CNBD1: variants seen among roughly 807,000 people sequenced by gnomAD.
The protein encoded by CNBD1 is cyclic nucleotide-binding domain-containing protein 1.
Under a neutral mutation model 54.4 loss-of-function variants are expected in CNBD1, and 71 were observed. The observed-to-expected ratio is 1.30, with a 90% CI of 1.08 to 1.59. CNBD1 has a LOEUF of 1.59. Among genes scored for constraint, CNBD1 ranks in the 40% most tolerant of loss-of-function variants. The pLI is 0.00. For synonymous variants in CNBD1, 182 were observed against 170.7 expected, an observed-to-expected ratio of 1.07 and a Z score of -0.51; for missense variants, 659 against 518.0, an observed-to-expected ratio of 1.27 and a Z score of -2.64.
At chr8:86,934,143 C>T (rs760026012) in intron 3 of CNBD1, among the ~76,000 whole-genome samples, 22 of 152,006 alleles carry the variant, frequency 1.4e-4, no homozygotes, top group Non-Finnish European at 2.9e-4. Context: ...TCCTTCTGTC[C>T]CTGACATATA....
chr8:87,362,962 G>T (rs1006541089), intron 10 of CNBD1, among the ~76,000 whole-genome samples: 2 of 151,746 alleles, frequency 1.3e-5, no homozygotes, highest in East Asian at 3.9e-4. Flanking sequence ...CCATCAACCC[G>T]TCATCTATAT....
intron 2 of CNBD1, among the ~76,000 whole-genome samples, chr8:87,417,396 A>G (rs1194252822): frequency 6.6e-6 from 1 of 151,982 alleles, no homozygotes. Flanking sequence ...ACACAGCAAA[A>G]CCATATTACC....
At chr8:87,160,054 C>T in intron 4 of CNBD1, among the ~76,000 whole-genome samples, 1 of 151,698 alleles carries the variant, frequency 6.6e-6, no homozygotes, top group South Asian at 2.1e-4. Flanking sequence ...GATATATATA[C>T]ACAGATGTGT....
chr8:86,961,603 C>G (rs1032547049), intron 4 of CNBD1, among the ~76,000 whole-genome samples: 26 of 152,328 alleles, frequency 1.7e-4, no homozygotes, highest in African/African-American at 6.0e-4. Context: ...CAGAGGATCC[C>G]CTGGGATGTC....
At chr8:86,905,872 T>C (rs1035263178) in intron 3 of CNBD1, among the ~76,000 whole-genome samples, 2 of 152,156 alleles carry the variant, frequency 1.3e-5, no homozygotes, top group African/African-American at 4.8e-5. Flanking sequence ...CTGGATATAG[T>C]TGTCTTTGTT....
At chr8:87,047,250 ATG>A (rs1431293589) in intron 4 of CNBD1, among the ~76,000 whole-genome samples, 1 of 152,020 alleles carries the variant, frequency 6.6e-6, no homozygotes, top group African/African-American at 2.4e-5. Context: ...TCCCCAGGGG[ATG>A]TGTGTTCCTG....
intron 3 of CNBD1, among the ~76,000 whole-genome samples, chr8:86,906,728 C>G (rs1809024161): frequency 6.6e-6 from 1 of 152,122 alleles, no homozygotes; most frequent in South Asian, 2.1e-4. Flanking sequence ...ATTAATCTAC[C>G]AGCAGTGGTC....
chr8:87,264,508 A>AGCAGCCATTTGTTCATCCAGAGATAT (rs1808208580), intron 6 of CNBD1, among the ~76,000 whole-genome samples: 2 of 152,146 alleles, frequency 1.3e-5, no homozygotes, highest in African/African-American at 4.8e-5. Flanking sequence ...CTTTGGGTAT[A>AGCAGCCATTTGTTCATCCAGAGATAT]TACCCAGTAA....
At chr8:87,004,488 C>T (rs887513742) in intron 4 of CNBD1, among the ~76,000 whole-genome samples, 73 of 138,806 alleles carry the variant, frequency 5.3e-4, no homozygotes, top group African/African-American at 1.6e-3. Context: ...CATTATTGCA[C>T]TCACACCCTT....
chr8:87,351,908 A>G, intron 9 of CNBD1, 114 bp downstream of exon 9: 1 of 1,138,978 alleles, frequency 8.8e-7, no homozygotes, highest in Non-Finnish European at 1.1e-6. Context: ...TGAAATTTCT[A>G]TTCAATTTTT....
chr8:87,351,081 A>G (rs1335577628), intron 8 of CNBD1, among the ~76,000 whole-genome samples: 2 of 152,194 alleles, frequency 1.3e-5, no homozygotes, highest in African/African-American at 2.4e-5. Flanking sequence ...GGCTTAAAGT[A>G]AGGACTCCTA....
intron 6 of CNBD1, among the ~76,000 whole-genome samples, chr8:87,253,868 G>T (rs1450908927): frequency 6.6e-6 from 1 of 152,088 alleles, no homozygotes; most frequent in Non-Finnish European, 1.5e-5. Flanking sequence ...AAGAATATAA[G>T]AATTGGACGG....
intron 5 of CNBD1, among the ~76,000 whole-genome samples, chr8:87,218,285 C>T (rs923730391): frequency 2.2e-4 from 33 of 151,958 alleles, no homozygotes; most frequent in Non-Finnish European, 4.7e-4. Context: ...GAGGTAATTT[C>T]CAACAATGTA....
intron 4 of CNBD1, among the ~76,000 whole-genome samples, chr8:87,180,751 G>A (rs1813295137): frequency 1.3e-5 from 2 of 152,180 alleles, no homozygotes; most frequent in African/African-American, 4.8e-5. Context: ...GAATGGGAAT[G>A]AGGGAGGAGT....
chr8:87,297,665 T>C (rs866983960), intron 8 of CNBD1, among the ~76,000 whole-genome samples: 1 of 152,008 alleles, frequency 6.6e-6, no homozygotes, highest in South Asian at 2.1e-4. Flanking sequence ...AATTTGTCTG[T>C]AATCACACAT....
chr8:87,112,896 A>T (rs529978911), intron 4 of CNBD1, among the ~76,000 whole-genome samples: 58 of 152,248 alleles, frequency 3.8e-4, no homozygotes, highest in Non-Finnish European at 6.6e-4. Context: ...GGCTTGATGA[A>T]GGGATTCCTT....
intron 2 of CNBD1, among the ~76,000 whole-genome samples, chr8:87,420,940 A>G (rs550580632): frequency 1.3e-5 from 2 of 152,228 alleles, no homozygotes; most frequent in East Asian, 3.9e-4. Context: ...TTCAATAAAT[A>G]TTGAATTAAA....
Position 87,427,141 on chromosome 8 carries a change from T to C in CNBD1, c.214-1405T>C, listed in dbSNP as rs565423897. On this transcript the variant is annotated intron_variant, in intron 2 of 7. Coordinates refer to the CNBD1 transcript ENST00000521593. ...CCTGTAAAGAGCTAGCATCCTTCAT[T>C]CCTGATATATGTGCTTTCAGACTCA... Among the ~76,000 whole-genome samples, 10 of 151,978 alleles carry C rather than the reference T, an allele frequency of 6.6e-5. No individual in the cohort carries two copies. In the East Asian group the frequency reaches 1.8e-3, roughly 27 times the overall value.
At chr8:87,275,367 G>A (rs1218454865) in intron 6 of CNBD1, among the ~76,000 whole-genome samples, 2 of 151,684 alleles carry the variant, frequency 1.3e-5, no homozygotes, top group Non-Finnish European at 2.9e-5. Flanking sequence ...ACCTTGGGCA[G>A]TATGGCCATT....
Sources: gnomAD v4.1 joint callset for allele counts (sites outside exome capture counted in the v4.1 genomes callset) on GRCh38, gnomAD v4.1.1 for gene constraint, MANE v1.5 for transcripts, NCBI Gene and HGNC (gene_info 2026-07-23, HGNC 2026-07-21) for gene names.